Variants in MTO1 observed in about 807,000 individuals in gnomAD.
MTO1 encodes 5-taurinomethyluridine-[tRNA] synthase subunit MTO1, mitochondrial.
MTO1 carries 46 observed loss-of-function variants against 71.6 expected under a neutral mutation model. The observed-to-expected ratio is 0.64, with a 90% CI of 0.51 to 0.82. The LOEUF is 0.82. Ranked by LOEUF, MTO1 falls within the 40% of genes least tolerant of loss-of-function variation. The pLI, the probability that MTO1 is intolerant of heterozygous loss-of-function variation, is 0.00. For missense variants in MTO1, 773 were observed against 867.5 expected, an observed-to-expected ratio of 0.89 and a Z score of 1.37; for synonymous variants, 297 against 312.1, an observed-to-expected ratio of 0.95 and a Z score of 0.51.
chr6:73,469,626 A>G (rs1049131488), intron 3 of MTO1, among the ~76,000 whole-genome samples: 67 of 105,500 alleles, frequency 6.4e-4, no homozygotes, highest in African/African-American at 2.1e-3. Context: ...CCATCTCTAA[A>G]TAAATAAATA....
chr6:73,476,244 C>T (rs1001340262), intron 4 of MTO1, among the ~76,000 whole-genome samples: 6 of 151,530 alleles, frequency 4.0e-5, no homozygotes, highest in African/African-American at 7.3e-5. Context: ...CATGGTGGCT[C>T]ATGCCTGTAA....
At chr6:73,465,015 A>T (rs1416129828) in intron 1 of MTO1, among the ~76,000 whole-genome samples, 1 of 152,142 alleles carries the variant, frequency 6.6e-6, no homozygotes, top group African/African-American at 2.4e-5. Context: ...AAAGGTATAA[A>T]ATATGGTCTT....
chr6:73,483,102 G>GT (rs905724846), intron 9 of MTO1, among the ~76,000 whole-genome samples: 1 of 150,898 alleles, frequency 6.6e-6, no homozygotes, highest in African/African-American at 2.4e-5. Context: ...TAACTCATCT[G>GT]TTTTCTAAGT....
intron 4 of MTO1, among the ~76,000 whole-genome samples, chr6:73,475,551 G>A (rs1186773074): frequency 7.4e-6 from 1 of 135,378 alleles, no homozygotes; most frequent in Admixed American, 7.7e-5. Flanking sequence ...TTTCACTCTT[G>A]TTGCCCAGGC....
rs759603080 is a variant in MTO1 at position 73,480,727 on chromosome 6, G to A, written c.1182G>A (p.Leu394=). 1 of 1,613,898 alleles carries A rather than the reference G, an allele frequency of 6.2e-7. No homozygotes were observed. Among genetic ancestry groups the A allele is most frequent in the South Asian group, 1.1e-5 (1 of 91,078 alleles). ...YLDPRQITPS[L]ETHLVQRLFF... is the part of the protein sequence containing the mutation. ...ATCCCCGTCAGATCACCCCTTCCTT[G>A]GAGACTCATTTGGTTCAACGACTCT... Residue 394 remains leucine, a synonymous_variant, in exon 7 of 12, where the codon TTG becomes TTA. Coordinates refer to ENST00000498286, the MANE Select transcript of MTO1 (RefSeq NM_012123.4).
Position 73,501,775 on chromosome 6 carries a change from C to T in MTO1, c.*1040C>T, listed in dbSNP as rs570063604. 6.6e-5 allele frequency: 10 copies of T among 152,272 alleles called. No homozygotes were observed. The highest frequency in any genetic ancestry group is 3.4e-3 in the Middle Eastern group (1 of 294). 9.4% of individuals were successfully genotyped at this position (152,272 alleles called of 1,614,324 possible). On this transcript the variant is annotated 3_prime_UTR_variant, in exon 12 of 12. Transcript: ENST00000498286. Reference sequence around the variant, plus strand: ...TGGTGTCAGCCTAGGGAGAAGCTCCCGTGTCACCTTCGGGCCAAAGCAGGT... The same window carrying T: ...TGGTGTCAGCCTAGGGAGAAGCTCCTGTGTCACCTTCGGGCCAAAGCAGGT...
intron 11 of MTO1, 45 bp downstream of exon 11, chr6:73,497,941 T>TA: frequency 6.6e-7 from 1 of 1,522,112 alleles, no homozygotes; most frequent in East Asian, 2.3e-5. Flanking sequence ...TAGATAAAGA[T>TA]ACAGTGCTTT....
intron 4 of MTO1, among the ~76,000 whole-genome samples, chr6:73,475,158 T>C (rs954559257): frequency 1.3e-5 from 2 of 152,074 alleles, no homozygotes; most frequent in African/African-American, 4.8e-5. Flanking sequence ...AGACAGGGTC[T>C]CGCCATATTG....
intron 10 of MTO1, among the ~76,000 whole-genome samples, chr6:73,493,270 C>T (rs886081971): frequency 6.7e-6 from 1 of 148,250 alleles, no homozygotes; most frequent in Admixed American, 6.9e-5. Context: ...CCAGGGATTA[C>T]AGGCGTGAGC....
chr6:73,489,049 T>C (rs913462188), intron 9 of MTO1, among the ~76,000 whole-genome samples: 1 of 152,228 alleles, frequency 6.6e-6, no homozygotes, highest in Non-Finnish European at 1.5e-5. Context: ...TCCTGTATGT[T>C]TTCTTCTAGA....
chr6:73,479,774 A>G lies in MTO1; in HGVS notation c.868A>G (p.Arg290Gly), dbSNP rs573039001. 1.5e-5 allele frequency: 24 copies of G among 1,613,976 alleles called. No homozygotes were observed. The African/African-American group carries it at 3.1e-4, about 21-fold the overall frequency. The change falls in exon 5 of 12, where the codon AGA becomes GGA. Residue 290 changes from arginine to glycine, a missense_variant. Transcript: ENST00000498286. ...LPCYLTHTNP[R>G]VDEIVLKNLH... The stretch of plus-strand genomic sequence containing the variant: ...ATGTTACTTGACTCACACCAACCCT[A>G]GAGTGGATGAGATTGTCCTTAAGAA...
rs768440123 is a variant in MTO1, at chr6:73,479,766, C to A, written c.860C>A (p.Thr287Asn). ...EDQLPCYLTHTNPRVDEIVLK... is the reference protein window; with the variant it reads ...EDQLPCYLTHNNPRVDEIVLK... ...CAGCTGCCATGTTACTTGACTCACA[C>A]CAACCCTAGAGTGGATGAGATTGTC... Residue 287 changes from threonine (T) to asparagine (N), a missense_variant, in exon 5 of 12, where the codon ACC becomes AAC. Transcript: ENST00000498286. 7 of 1,613,830 alleles carry A rather than the reference C, an allele frequency of 4.3e-6. No individual in the cohort carries two copies. Among genetic ancestry groups the A allele is most frequent in the Non-Finnish European group, 4.2e-6 (5 of 1,179,942 alleles).
At chr6:73,487,577 G>GT (rs560747092) in intron 9 of MTO1, 4,565 of 125,166 alleles carry the variant, frequency 0.036, 220 homozygotes, top group Admixed American at 0.14. Flanking sequence ...TTTTTTCTTA[G>GT]TTTTTTTTTT....
chr6:73,475,365 C>G (rs1771282699), intron 4 of MTO1, among the ~76,000 whole-genome samples: 1 of 151,978 alleles, frequency 6.6e-6, no homozygotes, highest in South Asian at 2.1e-4. Flanking sequence ...TCACTGCAGC[C>G]TCCGCCCCCT....
At chr6:73,463,233 A>G (rs1770879770) in intron 1 of MTO1, among the ~76,000 whole-genome samples, 3 of 151,020 alleles carry the variant, frequency 2.0e-5, no homozygotes, top group Admixed American at 1.3e-4. Flanking sequence ...GGGTTTCACC[A>G]TGTTAGCCAG....
In MTO1 at chr6:73,501,469, GC is replaced by G. The variant is rs1425045771; in HGVS notation, c.*736del. 1 of 152,042 alleles carries G rather than the reference GC, an allele frequency of 6.6e-6. No individual in the cohort carries two copies. The highest frequency in any genetic ancestry group is 2.4e-5 in the African/African-American group (1 of 41,400). The allele number at this position is 152,042 out of a possible 1,614,324, so 9.4% of individuals were successfully genotyped here. On this transcript the variant is annotated 3_prime_UTR_variant, in exon 12 of 12. Transcript: ENST00000498286. ...AATATTTTCTTAAGAAATTGTCATG[GC>G]CATCATTTCTTAATAATGAAGACAG...
intron 1 of MTO1, 140 bp downstream of exon 1, chr6:73,462,211 G>T (rs754599284): frequency 4.5e-5 from 41 of 918,502 alleles, no homozygotes; most frequent in Non-Finnish European, 5.9e-5. Flanking sequence ...GCCTCGATCA[G>T]TGTCTCGCAA....
chr6:73,496,612 T>C (rs753877053), intron 10 of MTO1, among the ~76,000 whole-genome samples: 3 of 151,578 alleles, frequency 2.0e-5, no homozygotes, highest in African/African-American at 4.9e-5. Context: ...TTAGATCTCC[T>C]AATGCTATCC....
intron 9 of MTO1, among the ~76,000 whole-genome samples, chr6:73,483,399 C>G (rs2150038139): frequency 1.3e-5 from 2 of 151,414 alleles, no homozygotes; most frequent in South Asian, 4.2e-4. Flanking sequence ...AGAGTGAGAC[C>G]CTGTCTCAAA....
Sources: allele counts gnomAD v4.1 joint callset (sites outside exome capture counted in the v4.1 genomes callset), GRCh38; gene constraint gnomAD v4.1.1; transcripts MANE v1.5; gene names NCBI Gene and HGNC (gene_info 2026-07-23, HGNC 2026-07-21).